ROBO1: variants seen among roughly 807,000 people sequenced by gnomAD.
The protein encoded by ROBO1 is roundabout homolog 1.
ROBO1 carries 149 observed loss-of-function variants against 195.9 expected under a neutral mutation model. That is an observed-to-expected ratio of 0.76 (90% CI 0.67 to 0.87). The LOEUF (loss-of-function observed/expected upper bound fraction) is 0.87. Among genes scored for constraint, ROBO1 ranks in the 40% least tolerant of loss-of-function variants. ROBO1 has a pLI of 0.00. For synonymous variants in ROBO1, 816 were observed against 733.2 expected (o/e 1.11, Z -1.82); for missense variants, 1,933 against 2,068.3 (o/e 0.93, Z 1.27).
At chr3:78,635,191 A>T (rs528640807) in intron 23 of ROBO1, among the ~76,000 whole-genome samples, 11 of 152,236 alleles carry the variant, frequency 7.2e-5, no homozygotes, top group Non-Finnish European at 1.6e-4. Flanking sequence ...TTAATACTAA[A>T]CTCAATTTAT....
chr3:78,744,165 T>TC, intron 5 of ROBO1, among the ~76,000 whole-genome samples: 1 of 152,348 alleles, frequency 6.6e-6, no homozygotes, highest in African/African-American at 2.4e-5. Flanking sequence ...TAATGGCATC[T>TC]ATACCATTTC....
intron 1 of ROBO1, among the ~76,000 whole-genome samples, chr3:79,638,680 GA>G (rs1256909024): frequency 6.6e-6 from 1 of 152,192 alleles, no homozygotes; most frequent in African/African-American, 2.4e-5. Context: ...GAGAATCAAG[GA>G]CTGTCTGAGA....
intron 14 of ROBO1, among the ~76,000 whole-genome samples, chr3:78,662,716 A>G (rs1445243057): frequency 6.6e-6 from 1 of 152,094 alleles, no homozygotes; most frequent in Non-Finnish European, 1.5e-5. Context: ...AGCTGATTAG[A>G]CTCATGAGAA....
At chr3:78,964,403 A>T (rs1175963240) in intron 3 of ROBO1, among the ~76,000 whole-genome samples, 6 of 152,166 alleles carry the variant, frequency 3.9e-5, no homozygotes, top group Non-Finnish European at 8.8e-5. Flanking sequence ...GAAAGGGAAC[A>T]AGCCTAGCCT....
At chr3:78,970,554 C>T (rs1022739325) in intron 3 of ROBO1, among the ~76,000 whole-genome samples, 30 of 152,062 alleles carry the variant, frequency 2.0e-4, no homozygotes, top group Non-Finnish European at 3.7e-4. Flanking sequence ...TTCCCCAAAT[C>T]TGAAAAATAA....
At chr3:78,842,224 T>TATATATTTATATATATGAGCC (rs2033270757) in intron 4 of ROBO1, among the ~76,000 whole-genome samples, 3 of 20,304 alleles carry the variant, frequency 1.5e-4, no homozygotes, top group Non-Finnish European at 2.0e-4. Context: ...ATATGAGCCA[T>TATATATTTATATATATGAGCC]ATATATATTT....
At chr3:79,487,360 C>T (rs989873881) in intron 2 of ROBO1, among the ~76,000 whole-genome samples, 1 of 151,210 alleles carries the variant, frequency 6.6e-6, no homozygotes, top group Non-Finnish European at 1.5e-5. Context: ...GTACTGTTTG[C>T]AATGGCTTTC....
chr3:79,592,734 G>T (rs1405114261), intron 1 of ROBO1, among the ~76,000 whole-genome samples: 5 of 151,896 alleles, frequency 3.3e-5, no homozygotes, highest in Non-Finnish European at 5.9e-5. Flanking sequence ...AACCTGCATT[G>T]ACACACCATT....
intron 3 of ROBO1, among the ~76,000 whole-genome samples, chr3:79,029,867 T>C (rs1014362470): frequency 1.3e-5 from 2 of 152,196 alleles, no homozygotes; most frequent in Non-Finnish European, 2.9e-5. Flanking sequence ...TCACAAATAA[T>C]TGCTGTAAAA....
At chr3:78,745,855 G>C (rs1216097723) in intron 5 of ROBO1, among the ~76,000 whole-genome samples, 1 of 152,188 alleles carries the variant, frequency 6.6e-6, no homozygotes, top group African/African-American at 2.4e-5. Flanking sequence ...CAGGTGCTGA[G>C]AAACAGTGCA....
chr3:78,939,227 C>G (rs1266013255), intron 3 of ROBO1, among the ~76,000 whole-genome samples: 1 of 152,102 alleles, frequency 6.6e-6, no homozygotes, highest in African/African-American at 2.4e-5. Flanking sequence ...TTATACCATG[C>G]ATGTGTCCAT....
chr3:79,555,971 G>A (rs1182910335), intron 2 of ROBO1, among the ~76,000 whole-genome samples: 1 of 152,036 alleles, frequency 6.6e-6, no homozygotes, highest in Non-Finnish European at 1.5e-5. Flanking sequence ...TGTTGAAGCA[G>A]ATCTAAATAT....
intron 2 of ROBO1, among the ~76,000 whole-genome samples, chr3:79,502,256 G>A (rs1291048872): frequency 6.6e-6 from 1 of 152,208 alleles, no homozygotes; most frequent in Non-Finnish European, 1.5e-5. Flanking sequence ...GAGGTGTGGA[G>A]GGAGATGCGC....
At chr3:78,869,178 G>C (rs568335587) in intron 4 of ROBO1, among the ~76,000 whole-genome samples, 3 of 151,766 alleles carry the variant, frequency 2.0e-5, no homozygotes, top group Non-Finnish European at 4.4e-5. Context: ...TTTTATCACC[G>C]TTATAACCCC....
intron 4 of ROBO1, among the ~76,000 whole-genome samples, chr3:78,872,322 T>C (rs1356691446): frequency 6.6e-6 from 1 of 152,164 alleles, no homozygotes; most frequent in Non-Finnish European, 1.5e-5. Flanking sequence ...ACTGCCTGCG[T>C]GCTTTGATAG....
chr3:78,992,549 C>T (rs928075296), intron 3 of ROBO1, among the ~76,000 whole-genome samples: 1 of 152,108 alleles, frequency 6.6e-6, no homozygotes, highest in Admixed American at 6.6e-5. Flanking sequence ...CAGTTTGTGT[C>T]ACTTGAATTA....
chr3:78,837,721 T>G (rs1274041138), intron 4 of ROBO1, among the ~76,000 whole-genome samples: 4 of 151,964 alleles, frequency 2.6e-5, no homozygotes, highest in African/African-American at 9.7e-5. Flanking sequence ...ATGTACCAGT[T>G]AAGTAATACC....
intron 3 of ROBO1, among the ~76,000 whole-genome samples, chr3:78,999,529 T>A (rs568595335): frequency 2.6e-5 from 4 of 151,888 alleles, no homozygotes; most frequent in Non-Finnish European, 4.4e-5. Flanking sequence ...ACAATAGATA[T>A]CAGTGACTGC....
intron 2 of ROBO1, among the ~76,000 whole-genome samples, chr3:79,489,548 G>C (rs549945569): frequency 6.6e-6 from 1 of 151,628 alleles, no homozygotes; most frequent in East Asian, 2.0e-4. Flanking sequence ...CCAGCTACTC[G>C]GGAGGCTGAG....
Sources: gnomAD v4.1 joint callset for allele counts (sites outside exome capture counted in the v4.1 genomes callset) on GRCh38, gnomAD v4.1.1 for gene constraint, MANE v1.5 for transcripts, NCBI Gene and HGNC (gene_info 2026-07-23, HGNC 2026-07-21) for gene names.